The following CCND3 variants were observed in gnomAD, a reference collection of about 807,000 sequenced individuals.
CCND3 encodes G1/S-specific cyclin-D3.
A neutral mutation model predicts 28.7 loss-of-function variants in CCND3; 9 were observed. The observed-to-expected ratio is 0.31, with a 90% confidence interval of 0.19 to 0.55. The LOEUF (loss-of-function observed/expected upper bound fraction) is 0.55, where lower values mean the gene tolerates loss of function less well. Ranked by LOEUF, CCND3 falls within the 20% of genes least tolerant of loss-of-function variation. The pLI is 0.93. For missense variants in CCND3, 315 were observed against 385.8 expected, an observed-to-expected ratio of 0.82 and a Z score of 1.54; for synonymous variants, 164 against 163.9, an observed-to-expected ratio of 1.00 and a Z score of 0.00.
rs1775792762 is a variant in CCND3, at chr6:41,936,293, G to A, written c.712-186C>T. On this transcript the variant is annotated intron_variant, in intron 4 of 4. Coordinates refer to ENST00000372991, the MANE Select transcript of CCND3 (RefSeq NM_001760.5). This position sits in a 1 kb window ranked among gnomAD's most constrained non-coding sequence, Gnocchi z 4.4. ...GATGTGGCAAGGGAGTGTGAGAGCA[G>A]CCCTGCATCTGACACCAAACCCCCC... 2.9e-6 allele frequency: 2 copies of A among 699,598 alleles called. No homozygotes were observed. The highest frequency in any genetic ancestry group is 2.7e-5 in the East Asian group (1 of 36,576). The allele number at this position is 699,598 out of a possible 1,614,324, so 43.3% of individuals were successfully genotyped here.
chr6:41,982,271 C>T (rs1762368123), intron 1 of CCND3, among the ~76,000 whole-genome samples: 1 of 4,232 alleles, frequency 2.4e-4, no homozygotes, highest in African/African-American at 4.0e-4. Context: ...GAGACTCCAT[C>T]TCAAAAAAAA....
chr6:42,028,193 C>T (rs1048644430), intron 1 of CCND3, among the ~76,000 whole-genome samples: 11 of 152,266 alleles, frequency 7.2e-5, no homozygotes, highest in African/African-American at 1.9e-4. Flanking sequence ...CATGGGAATA[C>T]GGAGGACACA....
intron 1 of CCND3, among the ~76,000 whole-genome samples, chr6:41,946,811 G>T (rs955014390): frequency 6.6e-6 from 1 of 151,702 alleles, no homozygotes; most frequent in East Asian, 1.9e-4. Context: ...TCGGCTGGGC[G>T]CGGTGGCTCA....
upstream of CCND3, chr6:41,941,922 C>T (rs1776048100): frequency 5.2e-6 from 1 of 190,610 alleles, no homozygotes; most frequent in African/African-American, 2.3e-5. The surrounding 1 kb of genome is among the most constrained non-coding windows in gnomAD (Gnocchi z 6.1). Flanking sequence ...AGCGCTCTCC[C>T]CTCCCTCCCG....
intron 1 of CCND3, among the ~76,000 whole-genome samples, chr6:41,974,210 A>G (rs1051889407): frequency 6.6e-6 from 1 of 151,762 alleles, no homozygotes; most frequent in Admixed American, 6.6e-5. Context: ...CAAAACAAGA[A>G]CAGTGCCTAG....
At chr6:41,964,499 AGTGT>A (rs72237414) in intron 1 of CCND3, among the ~76,000 whole-genome samples, 198 of 103,342 alleles carry the variant, frequency 1.9e-3, no homozygotes, top group East Asian at 1.0e-2. Flanking sequence ...TGTGTGTGTG[AGTGT>A]GTGTGTGTGT....
intron 1 of CCND3, among the ~76,000 whole-genome samples, chr6:41,956,508 G>A (rs1464700274): frequency 6.6e-6 from 1 of 152,000 alleles, no homozygotes; most frequent in African/African-American, 2.4e-5. Context: ...TTCCCACCCT[G>A]CTTGCAACTT....
intron 1 of CCND3, among the ~76,000 whole-genome samples, chr6:41,972,011 G>A (rs1267389271): frequency 5.3e-5 from 8 of 149,802 alleles, no homozygotes; most frequent in African/African-American, 1.9e-4. Flanking sequence ...GGATCACGAG[G>A]TCAGGAGATC....
At chr6:41,959,738 ACG>A (rs1761657889) in intron 1 of CCND3, among the ~76,000 whole-genome samples, 1 of 151,766 alleles carries the variant, frequency 6.6e-6, no homozygotes, top group Non-Finnish European at 1.5e-5. Flanking sequence ...GAGCCTGACC[ACG>A]AGGTCAGGAG....
intron 1 of CCND3, among the ~76,000 whole-genome samples, chr6:41,978,095 CAG>C (rs1169199001): frequency 6.6e-6 from 1 of 151,080 alleles, no homozygotes; most frequent in Non-Finnish European, 1.5e-5. Context: ...TTTTTTTTGA[CAG>C]GGCGTGGTGG....
At chr6:41,937,447 G>A in intron 2 of CCND3, 53 bp from the exon 3 acceptor site, 2 of 1,601,146 alleles carry the variant, frequency 1.2e-6, no homozygotes, top group South Asian at 1.1e-5. Context: ...GAAGAGGAGG[G>A]AGCAAAGCAG....
chr6:42,032,578 A>T (rs1764075372), intron 1 of CCND3, among the ~76,000 whole-genome samples: 1 of 152,260 alleles, frequency 6.6e-6, no homozygotes, highest in Non-Finnish European at 1.5e-5. Context: ...CTAGACTGCC[A>T]TGTTAAGTAT....
chr6:42,002,129 T>A (rs1444154199), intron 1 of CCND3, among the ~76,000 whole-genome samples: 11 of 119,992 alleles, frequency 9.2e-5, no homozygotes, highest in Non-Finnish European at 1.6e-4. Context: ...AAAAAAAAAA[T>A]TCATAGAACT....
At chr6:42,039,268 T>G (rs1338188955) in intron 1 of CCND3, among the ~76,000 whole-genome samples, 1 of 152,228 alleles carries the variant, frequency 6.6e-6, no homozygotes, top group Admixed American at 6.5e-5. Flanking sequence ...ACACTGACTT[T>G]GAACCCAACA....
At chr6:41,990,724 A>G (rs1386000841) in intron 1 of CCND3, among the ~76,000 whole-genome samples, 1 of 121,496 alleles carries the variant, frequency 8.2e-6, no homozygotes, top group Non-Finnish European at 1.6e-5. Context: ...CCCAGGCTGG[A>G]GTGCAGTGGC....
At chr6:41,945,870 T>C (rs1004842583), upstream of CCND3, among the ~76,000 whole-genome samples, 4 of 152,170 alleles carry the variant, frequency 2.6e-5, no homozygotes, top group African/African-American at 7.2e-5. Context: ...CATTCAGAGA[T>C]AGTAGTTTCT....
At chr6:42,039,118 G>C (rs1764302361) in intron 1 of CCND3, among the ~76,000 whole-genome samples, 1 of 152,178 alleles carries the variant, frequency 6.6e-6, no homozygotes, top group African/African-American at 2.4e-5. Flanking sequence ...AAAGACCAGA[G>C]CCTGTGTTCC....
At position 41,984,376 on chromosome 6, in the gene CCND3, C is replaced by T. The variant is rs745713839; in HGVS notation, c.-45-43791G>A. On this transcript the variant is annotated intron_variant, in intron 1 of 4. Coordinates refer to the CCND3 transcript ENST00000372988. ...TGTTTGTTTGTTTGAGACGCAGTTT[C>T]GCTCTTGTTGCCCAGGCTGGAGTGC... Among the ~76,000 whole-genome samples, 243 of 152,212 alleles carry T rather than the reference C, an allele frequency of 1.6e-3. 2 individuals carry two copies. Among genetic ancestry groups the T allele is most frequent in the Middle Eastern group, 0.01 (3 of 294 alleles).
At chr6:42,027,054 C>T (rs922044983) in intron 1 of CCND3, among the ~76,000 whole-genome samples, 3 of 152,146 alleles carry the variant, frequency 2.0e-5, no homozygotes, top group South Asian at 2.1e-4. Flanking sequence ...TGGGTAAAGG[C>T]GTGAAAAAGG....
Sources: gnomAD v4.1 joint callset for allele counts (sites outside exome capture counted in the v4.1 genomes callset) on GRCh38, gnomAD v4.1.1 for gene constraint, Gnocchi (gnomAD v3.1) non-coding constraint, MANE v1.5 for transcripts, NCBI Gene and HGNC (gene_info 2026-07-23, HGNC 2026-07-21) for gene names.